Variants in PSD3 observed in about 807,000 individuals in gnomAD.
The protein encoded by PSD3 is PH and SEC7 domain-containing protein 3.
Under a neutral mutation model 105.5 loss-of-function variants are expected in PSD3, and 49 were observed. The observed-to-expected ratio is 0.46, with a 90% CI of 0.37 to 0.59. PSD3 has a LOEUF of 0.59. Ranked by LOEUF, PSD3 falls within the 20% of genes least tolerant of loss-of-function variation. PSD3 has a pLI of 0.00. For synonymous variants in PSD3, 557 were observed against 457.8 expected, an observed-to-expected ratio of 1.22 and a Z score of -2.77; for missense variants, 1,561 against 1,263.8, an observed-to-expected ratio of 1.24 and a Z score of -3.57.
At chr8:18,550,840 C>G (rs1219215983) in intron 15 of PSD3, among the ~76,000 whole-genome samples, 1 of 152,182 alleles carries the variant, frequency 6.6e-6, no homozygotes, top group Non-Finnish European at 1.5e-5. Flanking sequence ...TTAACCTACA[C>G]TATCTCAGTT....
At chr8:18,761,675 G>A (rs921641483) in intron 9 of PSD3, among the ~76,000 whole-genome samples, 3 of 152,028 alleles carry the variant, frequency 2.0e-5, no homozygotes, top group South Asian at 2.1e-4. Context: ...CTTTATTCAC[G>A]TCGTTAGTAC....
chr8:19,002,802 T>C (rs1826474328), intron 1 of PSD3, among the ~76,000 whole-genome samples: 2 of 152,104 alleles, frequency 1.3e-5, no homozygotes, highest in African/African-American at 4.8e-5. Flanking sequence ...GAATGCATGA[T>C]GCAGAACCCA....
At chr8:19,030,855 G>GA (rs985919426) in intron 1 of PSD3, among the ~76,000 whole-genome samples, 1 of 152,152 alleles carries the variant, frequency 6.6e-6, no homozygotes. Flanking sequence ...TTTTGGTTAT[G>GA]AAAAATATAC....
chr8:18,870,485 A>C (rs184107224), intron 3 of PSD3, among the ~76,000 whole-genome samples: 8 of 152,228 alleles, frequency 5.3e-5, no homozygotes, highest in Admixed American at 5.2e-4. Flanking sequence ...AACAATGAGA[A>C]CATATGGGCA....
chr8:18,894,920 G>A (rs1819040912), intron 2 of PSD3, among the ~76,000 whole-genome samples: 1 of 152,210 alleles, frequency 6.6e-6, no homozygotes, highest in Admixed American at 6.5e-5. Flanking sequence ...TGTATGAAGT[G>A]TTAAAGCTCT....
intron 4 of PSD3, among the ~76,000 whole-genome samples, chr8:18,814,439 T>A (rs1233589530): frequency 6.6e-6 from 1 of 152,190 alleles, no homozygotes; most frequent in African/African-American, 2.4e-5. Context: ...TTCACCCATG[T>A]AGGGGTTCAA....
intron 8 of PSD3, among the ~76,000 whole-genome samples, chr8:18,767,303 G>A (rs1046550928): frequency 2.6e-5 from 4 of 152,200 alleles, no homozygotes; most frequent in African/African-American, 9.7e-5. Flanking sequence ...ACTAGTAGAA[G>A]CTGCTAGCTG....
At chr8:19,051,933 A>C (rs1828542591) in intron 1 of PSD3, among the ~76,000 whole-genome samples, 1 of 152,248 alleles carries the variant, frequency 6.6e-6, no homozygotes, top group Admixed American at 6.5e-5. Context: ...GGAATAGGAA[A>C]ATATCTTCCA....
At chr8:18,780,187 C>T (rs994126661) in intron 8 of PSD3, among the ~76,000 whole-genome samples, 14 of 152,084 alleles carry the variant, frequency 9.2e-5, no homozygotes, top group Admixed American at 6.5e-4. Flanking sequence ...CCTTCTTTGC[C>T]GCTTTTTGGC....
chr8:18,873,407 T>C (rs1009216957), intron 2 of PSD3, among the ~76,000 whole-genome samples: 38 of 152,100 alleles, frequency 2.5e-4, no homozygotes, highest in Non-Finnish European at 4.6e-4. Context: ...TCATTTATTT[T>C]CCCAATTGAC....
chr8:18,895,542 C>G (rs1340182819), intron 2 of PSD3, among the ~76,000 whole-genome samples: 3 of 152,228 alleles, frequency 2.0e-5, no homozygotes, highest in African/African-American at 7.2e-5. Context: ...CTCCTCAACA[C>G]TGGTTCATAT....
intron 2 of PSD3, among the ~76,000 whole-genome samples, chr8:18,915,123 G>A (rs929288902): frequency 1.3e-5 from 2 of 152,124 alleles, no homozygotes; most frequent in African/African-American, 4.8e-5. Flanking sequence ...ACAGTGCTGG[G>A]AAAACGGAAT....
intron 8 of PSD3, among the ~76,000 whole-genome samples, chr8:18,779,842 A>G (rs1808438731): frequency 6.6e-6 from 1 of 152,190 alleles, no homozygotes; most frequent in South Asian, 2.1e-4. Flanking sequence ...CTTTTGTTGT[A>G]TAACAAATAG....
chr8:18,976,989 T>C (rs968706400), intron 1 of PSD3, among the ~76,000 whole-genome samples: 5 of 152,184 alleles, frequency 3.3e-5, no homozygotes, highest in African/African-American at 9.7e-5. Context: ...TGTTTGACTT[T>C]GTTTTTAAAG....
intron 1 of PSD3, among the ~76,000 whole-genome samples, chr8:19,028,418 T>C (rs922093744): frequency 2.6e-5 from 4 of 151,672 alleles, no homozygotes; most frequent in African/African-American, 7.3e-5. Context: ...AGTGGCGTGA[T>C]TGTAACTCAC....
At chr8:18,551,073 T>G (rs540544763) in intron 15 of PSD3, among the ~76,000 whole-genome samples, 1 of 152,290 alleles carries the variant, frequency 6.6e-6, no homozygotes, top group South Asian at 2.1e-4. Flanking sequence ...GCTAGAAAAT[T>G]TTGTTTCAGA....
intron 4 of PSD3, among the ~76,000 whole-genome samples, chr8:18,838,228 T>C (rs972075621): frequency 6.6e-6 from 1 of 152,152 alleles, no homozygotes; most frequent in Admixed American, 6.5e-5. Context: ...AGCGCTTCAG[T>C]TCTGATTTCA....
intron 4 of PSD3, among the ~76,000 whole-genome samples, chr8:18,806,609 G>A (rs1423153092): frequency 3.3e-5 from 5 of 152,154 alleles, no homozygotes; most frequent in Non-Finnish European, 7.3e-5. Context: ...AATAAATATC[G>A]TAGGCGTGCA....
chr8:18,798,284 T>A (rs1810366879), intron 8 of PSD3, among the ~76,000 whole-genome samples: 1 of 152,162 alleles, frequency 6.6e-6, no homozygotes, highest in African/African-American at 2.4e-5. Context: ...ATTCACCTCT[T>A]ATATATGGCA....
Sources: gnomAD v4.1 joint callset for allele counts (sites outside exome capture counted in the v4.1 genomes callset) on GRCh38, gnomAD v4.1.1 for gene constraint, MANE v1.5 for transcripts, NCBI Gene and HGNC (gene_info 2026-07-23, HGNC 2026-07-21) for gene names.